SYN3: variants seen among roughly 807,000 people sequenced by gnomAD.
The protein encoded by SYN3 is synapsin III, also known as synapsin-3.
SYN3 carries 35 observed loss-of-function variants against 65.8 expected under a neutral mutation model. The observed-to-expected ratio is 0.53, with a 90% CI of 0.41 to 0.70. The LOEUF is 0.70. Ranked by LOEUF, SYN3 falls within the 30% of genes least tolerant of loss-of-function variation. The pLI is 0.00. For missense variants in SYN3, 680 were observed against 749.0 expected, an observed-to-expected ratio of 0.91 and a Z score of 1.08; for synonymous variants, 270 against 292.9, an observed-to-expected ratio of 0.92 and a Z score of 0.80.
intron 1 of SYN3, among the ~76,000 whole-genome samples, chr22:33,011,949 T>C (rs1267653922): frequency 2.0e-5 from 3 of 152,192 alleles, no homozygotes; most frequent in Non-Finnish European, 4.4e-5. Context: ...GACTGATCCA[T>C]GTTGCTAAGA....
At chr22:32,568,844 C>T (rs2058707004) in intron 7 of SYN3, among the ~76,000 whole-genome samples, 1 of 152,198 alleles carries the variant, frequency 6.6e-6, no homozygotes, top group East Asian at 1.9e-4. Flanking sequence ...AAGACACAAC[C>T]GGAGAGTGTC....
At chr22:32,636,608 G>C (rs560224901) in intron 6 of SYN3, among the ~76,000 whole-genome samples, 1 of 152,120 alleles carries the variant, frequency 6.6e-6, no homozygotes, top group Non-Finnish European at 1.5e-5. Flanking sequence ...TGATCCTGGG[G>C]GGATAATCAT....
chr22:32,695,668 T>C (rs1381007658), intron 6 of SYN3, among the ~76,000 whole-genome samples: 4 of 152,186 alleles, frequency 2.6e-5, no homozygotes, highest in Non-Finnish European at 4.4e-5. Context: ...GCTCCCTTTC[T>C]CTTCCACCTC....
At chr22:32,652,312 G>A (rs1176199835) in intron 6 of SYN3, among the ~76,000 whole-genome samples, 1 of 151,318 alleles carries the variant, frequency 6.6e-6, no homozygotes, top group Non-Finnish European at 1.5e-5. Context: ...TTTGTTCCAC[G>A]AGCCATGACA....
chr22:33,028,310 T>TA (rs1397154805), intron 1 of SYN3, among the ~76,000 whole-genome samples: 2 of 152,162 alleles, frequency 1.3e-5, no homozygotes, highest in Admixed American at 1.3e-4. Flanking sequence ...TCCCTGGATT[T>TA]ATCACAGCTC....
At chr22:32,861,770 T>C (rs1049309017) in intron 6 of SYN3, 1 of 152,684 alleles carries the variant, frequency 6.5e-6, no homozygotes, top group Non-Finnish European at 1.5e-5. Flanking sequence ...CTATAAGCTA[T>C]AGCTTTGTTT....
At position 32,509,158 on chromosome 22, in the gene SYN3, C is replaced by A. The variant is rs894052853; in HGVS notation, c.*4534G>T. On this transcript the variant is annotated 3_prime_UTR_variant, in exon 14 of 14. Coordinates refer to ENST00000358763, the MANE Select transcript of SYN3 (RefSeq NM_003490.4). ...ACCAAAGTACGGTACCATTTTATCGCGCTGACGGGAGGAAGATCTGGAAGA... is the reference window on the plus strand; with the variant it reads ...ACCAAAGTACGGTACCATTTTATCGAGCTGACGGGAGGAAGATCTGGAAGA... Among the ~76,000 whole-genome samples, 1 of 152,152 alleles carries A rather than the reference C, an allele frequency of 6.6e-6. No homozygotes were observed.
chr22:32,573,270 G>A (rs1263059131), intron 7 of SYN3, among the ~76,000 whole-genome samples: 1 of 152,180 alleles, frequency 6.6e-6, no homozygotes, highest in Non-Finnish European at 1.5e-5. Flanking sequence ...TTAAAAGCTT[G>A]ACTTTAAAGC....
intron 6 of SYN3, among the ~76,000 whole-genome samples, chr22:32,714,424 T>C (rs2061008418): frequency 6.6e-6 from 1 of 152,158 alleles, no homozygotes; most frequent in Non-Finnish European, 1.5e-5. Context: ...CAGGTTAGAA[T>C]TGCCTTGGGG....
chr22:32,627,835 T>C (rs2059690755), intron 6 of SYN3, among the ~76,000 whole-genome samples: 1 of 152,014 alleles, frequency 6.6e-6, no homozygotes, highest in Non-Finnish European at 1.5e-5. Context: ...TTTTTGTTTT[T>C]GTTTTTGTTT....
rs111302633 is a variant in SYN3 at position 32,719,456 on chromosome 22, A to G, written c.712-122720T>C. Among the ~76,000 whole-genome samples the G allele has an allele frequency of 9.0e-3, 1,370 of 152,356 alleles. 11 individuals are homozygous for G. The highest frequency in any genetic ancestry group is 0.023 in the African/African-American group (959 of 41,580). On this transcript the variant is annotated intron_variant, in intron 6 of 13. Transcript: ENST00000358763. ...ACCACTCCACCAGAATATAAGTTCC[A>G]TGAAGATAGGGATTGTTTTGTGTGT...
At chr22:32,824,739 G>T (rs535118004) in intron 6 of SYN3, among the ~76,000 whole-genome samples, 1 of 152,092 alleles carries the variant, frequency 6.6e-6, no homozygotes, top group Non-Finnish European at 1.5e-5. Flanking sequence ...CTCTGCTTTC[G>T]ATGTTGTTCT....
At chr22:32,949,302 C>G (rs904551336) in intron 3 of SYN3, among the ~76,000 whole-genome samples, 2 of 151,424 alleles carry the variant, frequency 1.3e-5, no homozygotes, top group Admixed American at 1.3e-4. Flanking sequence ...CAGTTACCAG[C>G]GGGGGGCGGG....
At chr22:32,981,084 A>T (rs2052358615) in intron 2 of SYN3, among the ~76,000 whole-genome samples, 1 of 149,906 alleles carries the variant, frequency 6.7e-6, no homozygotes, top group South Asian at 2.1e-4. Flanking sequence ...CAAACTCCTG[A>T]CCTCAGGCAA....
chr22:32,734,894 T>A (rs950622799), intron 6 of SYN3, among the ~76,000 whole-genome samples: 1 of 152,176 alleles, frequency 6.6e-6, no homozygotes, highest in African/African-American at 2.4e-5. Context: ...GTGGATACAG[T>A]CTTCGGCATC....
chr22:32,703,077 G>A (rs909458214), intron 6 of SYN3, among the ~76,000 whole-genome samples: 1 of 151,904 alleles, frequency 6.6e-6, no homozygotes, highest in Non-Finnish European at 1.5e-5. Flanking sequence ...TCACTTCTTG[G>A]GTCTCCTTAA....
rs76794139 is a variant in SYN3, at chr22:32,823,290, A to C, written c.711+41625T>G. Among the ~76,000 whole-genome samples, 1,081 of 152,260 alleles carry C rather than the reference A, an allele frequency of 7.1e-3. 8 individuals carry two copies. The highest frequency in any genetic ancestry group is 0.024 in the African/African-American group (1,007 of 41,524). On this transcript the variant is annotated intron_variant, in intron 6 of 13. Coordinates refer to ENST00000358763, the MANE Select transcript of SYN3 (RefSeq NM_003490.4). ...TTGCTCTTACGGACCTGACGCTGGA[A>C]ATCCTCTCTCTCCAAGGTCCCTGCA... is the stretch of plus-strand genomic sequence containing the variant.
chr22:32,664,985 A>G (rs1436846478), intron 6 of SYN3, among the ~76,000 whole-genome samples: 20 of 136,346 alleles, frequency 1.5e-4, no homozygotes, highest in African/African-American at 4.9e-4. Flanking sequence ...TGTATAATGT[A>G]TAATTCTTTT....
intron 3 of SYN3, among the ~76,000 whole-genome samples, chr22:32,977,096 A>T (rs1028109715): frequency 1.3e-5 from 2 of 152,208 alleles, no homozygotes; most frequent in African/African-American, 4.8e-5. Flanking sequence ...TACTGGGGAA[A>T]AATGCCCAAA....
Sources: gnomAD v4.1 joint callset for allele counts (sites outside exome capture counted in the v4.1 genomes callset) on GRCh38, gnomAD v4.1.1 for gene constraint, MANE v1.5 for transcripts, NCBI Gene and HGNC (gene_info 2026-07-23, HGNC 2026-07-21) for gene names.